The following FAM83G variants were observed in gnomAD, a reference collection of about 807,000 sequenced individuals.
The protein encoded by FAM83G is scaffolding CK1 anchoring protein G.
FAM83G carries 38 observed loss-of-function variants against 61.5 expected under a neutral mutation model. That is an observed-to-expected ratio of 0.62 (90% confidence interval 0.48 to 0.81). The LOEUF is 0.81. FAM83G is among the 30% of genes least tolerant of loss of function. FAM83G has a pLI of 0.00. For synonymous variants in FAM83G, 470 were observed against 476.1 expected, an observed-to-expected ratio of 0.99 and a Z score of 0.17; for missense variants, 989 against 1,133.6, an observed-to-expected ratio of 0.87 and a Z score of 1.83.
chr17:19,004,170 C>CT lies in FAM83G; in HGVS notation c.-128-2dup. The CT allele has an allele frequency of 1.2e-6, 1 of 812,562 alleles. No individual in the cohort carries two copies. Among genetic ancestry groups the CT allele is most frequent in the Non-Finnish European group, 1.8e-6 (1 of 569,018 alleles). The allele number at this position is 812,562 out of a possible 1,614,324, so 50.3% of individuals were successfully genotyped here. ...CTCTGCTTCTCTGCCCATGAGCAAT[C>CT]TGCGGGAAAGACCTGATGAGCCCGG... is the stretch of plus-strand genomic sequence containing the variant. On this transcript the variant is annotated splice_acceptor_variant, in intron 1 of 5. Transcript: ENST00000388995. LOFTEE classifies it low-confidence loss of function (5UTR_SPLICE). The surrounding 1 kb of genome is among the most constrained non-coding windows in gnomAD (Gnocchi z 5.4).
chr17:18,983,305 G>A lies in FAM83G; in HGVS notation c.691-3632C>T, dbSNP rs370187366. ...GCATCACTATGGCCATGGGGCGCTC[G>A]AGGCCCAGAGAGGTGGAACCACACG... On this transcript the variant is annotated intron_variant, in intron 3 of 5. Coordinates refer to ENST00000388995, the MANE Select transcript of FAM83G (RefSeq NM_001039999.3). 1.8e-4 allele frequency among the ~76,000 whole-genome samples: 27 copies of A among 152,344 alleles called. No individual in the cohort carries two copies. The East Asian group carries it at 2.7e-3, about 15-fold the overall frequency.
At chr17:18,984,124 C>T (rs1272748211) in intron 3 of FAM83G, among the ~76,000 whole-genome samples, 1 of 152,050 alleles carries the variant, frequency 6.6e-6, no homozygotes, top group Non-Finnish European at 1.5e-5. Context: ...GGGCGGATCA[C>T]GAGGTCAGCA....
At chr17:18,979,256 T>C (rs2152010759) in intron 4 of FAM83G, 1 of 477,568 alleles carries the variant, frequency 2.1e-6, no homozygotes. Context: ...GCTGGCCCCA[T>C]CCCTAAGGAC....
chr17:19,004,081 G>T lies in FAM83G; in HGVS notation c.-40C>A. The stretch of plus-strand genomic sequence containing the variant: ...GGGCACTGCTGCCGGGGGTGGGTGG[G>T]CAAGGTCCAGCTCCTAGCTCCGGCC... On this transcript the variant is annotated 5_prime_UTR_variant, in exon 2 of 6. Transcript: ENST00000388995. This position sits in a 1 kb window ranked among gnomAD's most constrained non-coding sequence, Gnocchi z 5.4. 5 of 1,546,852 alleles carry T rather than the reference G, an allele frequency of 3.2e-6. No individual in the cohort carries two copies. Among genetic ancestry groups the T allele is most frequent in the South Asian group, 2.5e-5 (2 of 80,382 alleles).
At position 19,004,338 on chromosome 17, in the gene FAM83G, A is replaced by C; in HGVS notation, c.-128-169T>G. On this transcript the variant is annotated intron_variant, in intron 1 of 5. Coordinates refer to ENST00000388995, the MANE Select transcript of FAM83G (RefSeq NM_001039999.3). This position sits in a 1 kb window ranked among gnomAD's most constrained non-coding sequence, Gnocchi z 5.4. Reference sequence around the variant, plus strand: ...GACTGGGATGGGAAGAAAGTAAGGGATCGGAACAGCGGTGAGGGAGCGGTG... The same window carrying C: ...GACTGGGATGGGAAGAAAGTAAGGGCTCGGAACAGCGGTGAGGGAGCGGTG... 2.8e-6 allele frequency: 1 copy of C among 362,588 alleles called. No homozygotes were observed. The allele number at this position is 362,588 out of a possible 1,614,324, so 22.5% of individuals were successfully genotyped here.
At chr17:18,977,283 G>T (rs1225262574) in intron 5 of FAM83G, 3 of 579,114 alleles carry the variant, frequency 5.2e-6, no homozygotes, top group Middle Eastern at 9.1e-4. Context: ...CACCCATCTG[G>T]CAGGTGCCAT....
intron 5 of FAM83G, chr17:18,977,289 G>A: frequency 1.7e-6 from 1 of 578,164 alleles, no homozygotes; most frequent in East Asian, 2.9e-5. Context: ...TCTGGCAGGT[G>A]CCATCAAGAT....
chr17:18,985,950 A>C (rs992024743), intron 3 of FAM83G, among the ~76,000 whole-genome samples: 2 of 152,210 alleles, frequency 1.3e-5, no homozygotes, highest in Non-Finnish European at 2.9e-5. Context: ...GTAGCTGTAT[A>C]ACTTTCCTCA....
chr17:18,969,218 C>T lies in FAM83G; in HGVS notation c.*2141G>A. 6.3e-7 allele frequency: 1 copy of T among 1,586,822 alleles called. No homozygotes were observed. Among genetic ancestry groups the T allele is most frequent in the Non-Finnish European group, 8.6e-7 (1 of 1,161,676 alleles). On this transcript the variant is annotated 3_prime_UTR_variant, in exon 6 of 6. Transcript: ENST00000388995. ...ACGTGTAAAGGGGTCAGAAGGCCAC[C>T]TCCCCCTACAGGCCCGAGGGAGCAG... is the stretch of plus-strand genomic sequence containing the variant.
chr17:18,972,575 G>A (rs916984112), intron 5 of FAM83G, among the ~76,000 whole-genome samples: 2 of 152,124 alleles, frequency 1.3e-5, no homozygotes, highest in South Asian at 2.1e-4. Context: ...CAGTAAGAAC[G>A]GACCTGGCCG....
At chr17:18,977,140 A>G (rs1204807766) in intron 5 of FAM83G, 1 of 1,029,608 alleles carries the variant, frequency 9.7e-7, no homozygotes, top group Admixed American at 2.4e-5. Flanking sequence ...CAGGGCCACA[A>G]TCAAAGGGAT....
Position 18,971,563 on chromosome 17 carries a change from C to A in FAM83G, c.2268G>T (p.Pro756=). 1 of 1,613,770 alleles carries A rather than the reference C, an allele frequency of 6.2e-7. No homozygotes were observed. Among genetic ancestry groups the A allele is most frequent in the Non-Finnish European group, 8.5e-7 (1 of 1,180,008 alleles). The change falls in exon 6 of 6, where the codon CCG becomes CCT. Residue 756 remains proline, a synonymous_variant. Transcript: ENST00000388995. The surrounding 1 kb of genome is among the most constrained non-coding windows in gnomAD (Gnocchi z 5.5). The part of the protein sequence containing the change: ...AKGGQVPRLL[P]DPGSPRLAQN... ...GGGCCAGTCTTGGGCTGCCGGGATC[C>A]GGAAGCAGGCGGGGTACCTGACCTC...
In FAM83G at chr17:18,971,024, A is replaced by G; in HGVS notation, c.*335T>C. On this transcript the variant is annotated 3_prime_UTR_variant, in exon 6 of 6. Coordinates refer to ENST00000388995, the MANE Select transcript of FAM83G (RefSeq NM_001039999.3). The surrounding 1 kb of genome is among the most constrained non-coding windows in gnomAD (Gnocchi z 5.5). ...CCTGACCCCTCCAGCTTTTGACCAGATCGGTGGTTACGGGCAGCTGGAGGC... is the reference window on the plus strand; with the variant it reads ...CCTGACCCCTCCAGCTTTTGACCAGGTCGGTGGTTACGGGCAGCTGGAGGC... The G allele has an allele frequency of 6.2e-7, 1 of 1,613,878 alleles. No homozygotes were observed. Among genetic ancestry groups the G allele is most frequent in the Admixed American group, 1.7e-5 (1 of 60,022 alleles).
chr17:18,977,607 G>T lies in FAM83G; in HGVS notation c.2059C>A (p.Arg687Ser). 6.2e-7 allele frequency: 1 copy of T among 1,608,956 alleles called. No homozygotes were observed. ...ADALKRMQAQ[R>S]STDKEAQGQQ... Reference sequence around the variant, plus strand: ...ACCTGTGCCTCCTTGTCTGTGGAGCGCTGGGCCTGCATCCTCTTCAACGCA... The same window carrying T: ...ACCTGTGCCTCCTTGTCTGTGGAGCTCTGGGCCTGCATCCTCTTCAACGCA... Residue 687 changes from arginine (R) to serine (S), a missense_variant, in exon 5 of 6, where the codon CGC (arginine) becomes AGC (serine). Arg to Ser is a moderately radical substitution (Grantham distance 110). Transcript: ENST00000388995.
rs771014689 is a variant in FAM83G, at chr17:18,978,830, C to T, written c.836G>A (p.Arg279Gln). The T allele has an allele frequency of 3.1e-6, 5 of 1,612,036 alleles. No homozygotes were observed. Among genetic ancestry groups the T allele is most frequent in the Admixed American group, 1.7e-5 (1 of 59,986 alleles). ...GSYSFTWSAA[R>Q]TDRNVISVLS... ...CACAGAGATCACATTCCGGTCCGTC[C>T]GCGCGGCCGACCACGTGAAGCTGCA... is the stretch of plus-strand genomic sequence containing the variant. Residue 279 changes from arginine (R) to glutamine (Q), a missense_variant, in exon 5 of 6, where the codon CGG (arginine) becomes CAG (glutamine). Coordinates refer to ENST00000388995, the MANE Select transcript of FAM83G (RefSeq NM_001039999.3).
rs376871192 is a variant in FAM83G at position 18,998,510 on chromosome 17, C to A, written c.522+5010G>T. On this transcript the variant is annotated intron_variant, in intron 2 of 5. Coordinates refer to ENST00000388995, the MANE Select transcript of FAM83G (RefSeq NM_001039999.3). ...AGCCGACTCTGAGCCTCAGTTTCCC[C>A]AGCTGTGATATGAACATGACGGCAG... Among the ~76,000 whole-genome samples the A allele has an allele frequency of 9.8e-5, 15 of 152,318 alleles. No homozygotes were observed. In the South Asian group the frequency reaches 2.9e-3, roughly 29 times the overall value.
intron 3 of FAM83G, among the ~76,000 whole-genome samples, chr17:18,984,353 A>G (rs1431078879): frequency 2.0e-5 from 3 of 151,442 alleles, no homozygotes; most frequent in Admixed American, 6.6e-5. Context: ...AAAAAAAAAA[A>G]AGAGAACCCT....
intron 2 of FAM83G, among the ~76,000 whole-genome samples, chr17:18,991,299 G>A (rs747065696): frequency 5.9e-5 from 9 of 152,114 alleles, no homozygotes; most frequent in Non-Finnish European, 1.2e-4. Context: ...ATGACTGCAG[G>A]AATCAGGGCA....
intron 2 of FAM83G, among the ~76,000 whole-genome samples, chr17:18,999,043 G>A (rs2043648410): frequency 6.6e-6 from 1 of 152,224 alleles, no homozygotes; most frequent in Admixed American, 6.5e-5. Context: ...ACTTTGGGAG[G>A]CAGAGGCGGG....
Sources: allele counts gnomAD v4.1 joint callset (sites outside exome capture counted in the v4.1 genomes callset), GRCh38; gene constraint gnomAD v4.1.1; non-coding constraint Gnocchi (gnomAD v3.1); transcripts MANE v1.5; gene names NCBI Gene and HGNC (gene_info 2026-07-23, HGNC 2026-07-21).